The following NELL2 variants were observed in gnomAD, a reference collection of about 807,000 sequenced individuals.
The protein encoded by NELL2 is neural EGFL like 2.
A neutral mutation model predicts 109.6 loss-of-function variants in NELL2; 41 were observed. That is an observed-to-expected ratio of 0.37 (90% CI 0.29 to 0.49). The LOEUF is 0.49. NELL2 is among the 20% of genes least tolerant of loss of function. The pLI, the probability that NELL2 is intolerant of heterozygous loss-of-function variation, is 0.98. For synonymous variants in NELL2, 355 were observed against 344.7 expected (o/e 1.03, Z -0.33); for missense variants, 900 against 1,008.3 (o/e 0.89, Z 1.45).
At chr12:44,520,277 A>T (rs952355167) in intron 18 of NELL2, 48 bp from the exon 19 acceptor site, 2 of 1,481,644 alleles carry the variant, frequency 1.3e-6, no homozygotes, top group Non-Finnish European at 1.8e-6. Flanking sequence ...GGAGGAGGAA[A>T]TGGAGGGAGG....
intron 12 of NELL2, among the ~76,000 whole-genome samples, 153 bp downstream of exon 12, chr12:44,703,573 A>T (rs1021663898): frequency 6.6e-6 from 1 of 152,220 alleles, no homozygotes; most frequent in Non-Finnish European, 1.5e-5. Flanking sequence ...TTAATTTGAA[A>T]GATAATTATT....
chr12:44,717,329 C>T (rs1459257967), intron 9 of NELL2, among the ~76,000 whole-genome samples: 2 of 152,022 alleles, frequency 1.3e-5, no homozygotes, highest in Admixed American at 6.6e-5. Flanking sequence ...TCATGTTAAC[C>T]TATTCATACA....
chr12:44,905,762 G>C (rs2710442), intron 1 of NELL2, among the ~76,000 whole-genome samples: 1 of 151,798 alleles, frequency 6.6e-6, no homozygotes, highest in Admixed American at 6.6e-5. Flanking sequence ...AGGCCTATAG[G>C]GGGACCTTTG....
intron 9 of NELL2, among the ~76,000 whole-genome samples, chr12:44,741,468 G>A (rs1357985266): frequency 6.6e-6 from 1 of 152,156 alleles, no homozygotes; most frequent in African/African-American, 2.4e-5. Flanking sequence ...AGGACAGTGG[G>A]TGCAGTGCAC....
intron 9 of NELL2, among the ~76,000 whole-genome samples, chr12:44,749,755 G>A (rs113018407): frequency 0.021 from 3,179 of 152,246 alleles, 106 homozygotes; most frequent in African/African-American, 0.07. Context: ...GACATGAGAA[G>A]AGAAGAGGTG....
At chr12:44,838,462 T>C (rs962026046) in intron 2 of NELL2, among the ~76,000 whole-genome samples, 1 of 152,204 alleles carries the variant, frequency 6.6e-6, no homozygotes, top group African/African-American at 2.4e-5. Context: ...GCCAGTTCCA[T>C]CATTTTCTAG....
At chr12:44,907,039 T>C (rs1194591818) in intron 1 of NELL2, among the ~76,000 whole-genome samples, 1 of 152,046 alleles carries the variant, frequency 6.6e-6, no homozygotes, top group Non-Finnish European at 1.5e-5. Flanking sequence ...GTGAGTGAGT[T>C]CTTATGAGAG....
intron 2 of NELL2, among the ~76,000 whole-genome samples, chr12:44,833,608 A>G (rs1943954857): frequency 6.6e-6 from 1 of 152,206 alleles, no homozygotes; most frequent in South Asian, 2.1e-4. Context: ...ATGAAATTCA[A>G]TGAATTTTCT....
intron 2 of NELL2, among the ~76,000 whole-genome samples, chr12:44,864,814 T>C (rs1030669304): frequency 2.6e-5 from 4 of 152,214 alleles, no homozygotes; most frequent in African/African-American, 4.8e-5. Context: ...CATCACCTGT[T>C]AGACCATTAA....
At chr12:44,853,785 A>T (rs1295028415) in intron 2 of NELL2, among the ~76,000 whole-genome samples, 1 of 152,174 alleles carries the variant, frequency 6.6e-6, no homozygotes, top group Non-Finnish European at 1.5e-5. Flanking sequence ...ACTTTAAATA[A>T]ATCTATTTTT....
At chr12:44,824,103 T>C (rs1207204780) in intron 2 of NELL2, among the ~76,000 whole-genome samples, 1 of 152,228 alleles carries the variant, frequency 6.6e-6, no homozygotes, top group Non-Finnish European at 1.5e-5. Flanking sequence ...TGCTATTGAG[T>C]TGCACGAATT....
At chr12:44,892,932 T>C (rs1217841363) in intron 1 of NELL2, among the ~76,000 whole-genome samples, 1 of 151,432 alleles carries the variant, frequency 6.6e-6, no homozygotes, top group Non-Finnish European at 1.5e-5. Flanking sequence ...TTAAAAAAAA[T>C]CATAATCCTA....
At chr12:44,645,216 C>G (rs1445813514) in intron 13 of NELL2, among the ~76,000 whole-genome samples, 1 of 152,036 alleles carries the variant, frequency 6.6e-6, no homozygotes, top group Non-Finnish European at 1.5e-5. Context: ...CACATGATAG[C>G]TTTGTAATAG....
chr12:44,653,010 C>G (rs1479328879), intron 13 of NELL2, among the ~76,000 whole-genome samples: 1 of 152,134 alleles, frequency 6.6e-6, no homozygotes, highest in African/African-American at 2.4e-5. Flanking sequence ...CCTGGATAAC[C>G]CAGGATAAGC....
chr12:44,739,385 A>G (rs1046002273), intron 9 of NELL2, among the ~76,000 whole-genome samples: 1 of 152,158 alleles, frequency 6.6e-6, no homozygotes, highest in Non-Finnish European at 1.5e-5. Context: ...GCTAGATTAG[A>G]ATTTCTTTAG....
intron 9 of NELL2, among the ~76,000 whole-genome samples, chr12:44,754,227 T>C (rs1940780344): frequency 6.6e-6 from 1 of 152,194 alleles, no homozygotes; most frequent in African/African-American, 2.4e-5. Flanking sequence ...TGTGAAGAAA[T>C]ATGCTAACAA....
intron 2 of NELL2, among the ~76,000 whole-genome samples, chr12:44,848,383 C>A (rs1348075335): frequency 6.6e-6 from 1 of 152,146 alleles, no homozygotes; most frequent in Non-Finnish European, 1.5e-5. Flanking sequence ...CCAGGAGATG[C>A]CACTGGGCTC....
rs1051078128 is a variant in NELL2, at chr12:44,815,820, T to C, written c.335+166A>G. 14 of 612,844 alleles carry C rather than the reference T, an allele frequency of 2.3e-5. No individual in the cohort carries two copies. The African/African-American group carries it at 2.3e-4, about 10-fold the overall frequency. The allele number at this position is 612,844 out of a possible 1,614,324, so 38.0% of individuals were successfully genotyped here. ...TTTTAGAAGAGACAGGGTTTCACCA[T>C]ATTGGTCAGGCTGGTCTTGAACTCC... On this transcript the variant is annotated intron_variant, in intron 3 of 19. Transcript: ENST00000429094.
At chr12:44,665,761 G>A (rs1947905015) in intron 12 of NELL2, 152 bp from the exon 13 acceptor site, 4 of 881,186 alleles carry the variant, frequency 4.5e-6, no homozygotes, top group Non-Finnish European at 3.2e-6. Context: ...AGTGTTTAAT[G>A]TTCAAATGAC....
Sources: gnomAD v4.1 joint callset for allele counts (sites outside exome capture counted in the v4.1 genomes callset) on GRCh38, gnomAD v4.1.1 for gene constraint, MANE v1.5 for transcripts, NCBI Gene and HGNC (gene_info 2026-07-23, HGNC 2026-07-21) for gene names.